RECQL5: variants seen among roughly 807,000 people sequenced by gnomAD.
The protein encoded by RECQL5 is ATP-dependent DNA helicase Q5.
In RECQL5, 88 loss-of-function variants were observed where a neutral mutation model predicts 103.4. The observed-to-expected ratio is 0.85, with a 90% CI of 0.72 to 1.02. The LOEUF (loss-of-function observed/expected upper bound fraction) is 1.02. RECQL5 is among the 50% of genes least tolerant of loss of function. The probability of loss-of-function intolerance (pLI) is 0.00; values close to 1 mark genes in which losing one functional copy is unlikely to be tolerated. For missense variants in RECQL5, 1,232 were observed against 1,284.3 expected (o/e 0.96, Z 0.62); for synonymous variants, 552 against 507.9 (o/e 1.09, Z -1.17).
At chr17:75,660,190 C>A (rs1489887975) in intron 6 of RECQL5, among the ~76,000 whole-genome samples, 1 of 152,142 alleles carries the variant, frequency 6.6e-6, no homozygotes, top group Non-Finnish European at 1.5e-5. Context: ...CCTCAGCCCC[C>A]CAAGTAGCTG....
chr17:75,630,851 G>GTT lies in RECQL5; in HGVS notation c.1586-15_1586-14insAA. On this transcript the variant is annotated splice_polypyrimidine_tract_variant and intron_variant, in intron 11 of 19. Transcript: ENST00000317905. ...GACAGTTCTCATCTGTGGGGGGGGG[G>GTT]GGTGGTCCTTGGTCCTTTCGCTCCA... 2 of 1,448,010 alleles carry GTT rather than the reference G, an allele frequency of 1.4e-6. No homozygotes were observed. Among genetic ancestry groups the GTT allele is most frequent in the Admixed American group, 4.2e-5 (2 of 47,216 alleles). The allele number at this position is 1,448,010 out of a possible 1,614,324, so 89.7% of individuals were successfully genotyped here. A position where few individuals can be genotyped will look rare whatever the true frequency, so the allele number is the denominator to read the frequency against.
chr17:75,656,537 G>A (rs1288122270), intron 7 of RECQL5, among the ~76,000 whole-genome samples: 1 of 147,138 alleles, frequency 6.8e-6, no homozygotes, highest in Non-Finnish European at 1.5e-5. Flanking sequence ...TTTTTTCCTT[G>A]GCTCTCATCT....
intron 5 of RECQL5, among the ~76,000 whole-genome samples, chr17:75,661,396 A>G (rs1335124842): frequency 1.3e-5 from 2 of 152,206 alleles, no homozygotes; most frequent in Admixed American, 6.5e-5. Context: ...GTAGGCATAC[A>G]GTGGGAAGAA....
At chr17:75,647,918 A>G (rs1405613941) in intron 8 of RECQL5, 5 of 220,740 alleles carry the variant, frequency 2.3e-5, no homozygotes, top group Non-Finnish European at 4.8e-5. Context: ...CAATTTCACA[A>G]ATCCTTGACA....
At chr17:75,650,036 A>C in intron 8 of RECQL5, 1 of 985,618 alleles carries the variant, frequency 1.0e-6, no homozygotes, top group Non-Finnish European at 1.2e-6. Context: ...ACAGCCCCAG[A>C]GCTTTTTTCA....
At chr17:75,653,873 G>C (rs1038892394) in intron 7 of RECQL5, among the ~76,000 whole-genome samples, 1 of 151,666 alleles carries the variant, frequency 6.6e-6, no homozygotes, top group African/African-American at 2.4e-5. Flanking sequence ...ACTCCAGCCT[G>C]CACGACAAAG....
In RECQL5 at chr17:75,640,365, G is replaced by A; in HGVS notation, c.1230-8697C>T. The A allele has an allele frequency of 6.6e-7, 1 of 1,510,538 alleles. No individual in the cohort carries two copies. Among genetic ancestry groups the A allele is most frequent in the Non-Finnish European group, 8.9e-7 (1 of 1,123,976 alleles). The allele number at this position is 1,510,538 out of a possible 1,614,324, so 93.6% of individuals were successfully genotyped here. On this transcript the variant is annotated intron_variant, in intron 8 of 19. Transcript: ENST00000317905. The surrounding 1 kb of genome is among the most constrained non-coding windows in gnomAD (Gnocchi z 4.6). ...CACTCAGCACCCCATGGCTCTCCCTGGCATCTGGGAGAGACCACACCATGG... is the reference window on the plus strand; with the variant it reads ...CACTCAGCACCCCATGGCTCTCCCTAGCATCTGGGAGAGACCACACCATGG...
At chr17:75,632,559 G>C (rs76810494) in intron 8 of RECQL5, among the ~76,000 whole-genome samples, 2 of 152,376 alleles carry the variant, frequency 1.3e-5, no homozygotes, top group Non-Finnish European at 2.9e-5. Flanking sequence ...GCCTCGCCTG[G>C]AGTCCTCCTC....
In RECQL5 at chr17:75,630,175, C is replaced by T. The variant is rs1020401310; in HGVS notation, c.1812+9G>A. ...GCAACGACCCTGGGTCCGCCTGCAC[C>T]AGGCCCACCTTCTTCAGCACGCTGG... On this transcript the variant is annotated intron_variant, in intron 14 of 19. Transcript: ENST00000317905. The T allele has an allele frequency of 4.5e-6, 7 of 1,540,424 alleles. No individual in the cohort carries two copies. The highest frequency in any genetic ancestry group is 6.1e-6 in the Non-Finnish European group (7 of 1,141,624).
chr17:75,647,673 G>C, intron 8 of RECQL5: 1 of 1,068,844 alleles, frequency 9.4e-7, no homozygotes, highest in Non-Finnish European at 1.4e-6. Context: ...CCAAGCCCTG[G>C]TGTCTTCCTT....
chr17:75,632,774 C>G (rs905608922), intron 8 of RECQL5, among the ~76,000 whole-genome samples: 1 of 152,246 alleles, frequency 6.6e-6, no homozygotes, highest in Non-Finnish European at 1.5e-5. Context: ...TATAAACAGC[C>G]ATTCCTGCCA....
At chr17:75,664,875 C>T (rs1395075098) in intron 3 of RECQL5, among the ~76,000 whole-genome samples, 176 bp downstream of exon 3, 8 of 145,932 alleles carry the variant, frequency 5.5e-5, no homozygotes, top group African/African-American at 1.0e-4. Flanking sequence ...ATCGCACCAC[C>T]GCACTTCAGC....
At position 75,640,133 on chromosome 17, in the gene RECQL5, T is replaced by G. The variant is rs927326497; in HGVS notation, c.1230-8465A>C. On this transcript the variant is annotated intron_variant, in intron 8 of 19. Coordinates refer to ENST00000317905, the MANE Select transcript of RECQL5 (RefSeq NM_004259.7). This position sits in a 1 kb window ranked among gnomAD's most constrained non-coding sequence, Gnocchi z 4.6. ...GCTGCGACGAGTGTGGGGCCAGCCGTGGAGGCTCCAGGTGTTCTCTCTGCC... is the reference window on the plus strand; with the variant it reads ...GCTGCGACGAGTGTGGGGCCAGCCGGGGAGGCTCCAGGTGTTCTCTCTGCC... 238 of 1,468,594 alleles carry G rather than the reference T, an allele frequency of 1.6e-4. No individual in the cohort carries two copies. The highest frequency in any genetic ancestry group is 2.0e-4 in the Non-Finnish European group (224 of 1,113,212). The allele number at this position is 1,468,594 out of a possible 1,614,324, so 91.0% of individuals were successfully genotyped here.
intron 9 of RECQL5, 94 bp downstream of exon 9, chr17:75,631,356 A>G: frequency 6.6e-7 from 1 of 1,526,668 alleles, no homozygotes; most frequent in Non-Finnish European, 9.1e-7. Flanking sequence ...TCAAGGGGGG[A>G]TTGCGGCATC....
At chr17:75,657,605 T>C (rs1208815669) in intron 7 of RECQL5, among the ~76,000 whole-genome samples, 1 of 151,350 alleles carries the variant, frequency 6.6e-6, no homozygotes, top group Admixed American at 6.6e-5. Flanking sequence ...GAAAAAAAAA[T>C]TAGCTGGGCG....
At position 75,630,992 on chromosome 17, in the gene RECQL5, C is replaced by A; in HGVS notation, c.1567G>T (p.Glu523Ter). The stretch of plus-strand genomic sequence containing the variant: ...TACTGACCTGGGGGTACAAATTCTT[C>A]TATCTTGGGGTCTTTGCCCTGGAGG... The part of the protein sequence containing the change: ...QLRKGKDPKI[E>*]EFVPPDENCP... Residue 523 changes from glutamate to a stop codon, truncating the protein, a stop_gained, in exon 11 of 20, where the codon GAA (glutamate) becomes TAA (stop). Transcript: ENST00000317905. LOFTEE classifies it high-confidence loss of function. 2 of 1,613,922 alleles carry A rather than the reference C, an allele frequency of 1.2e-6. No individual in the cohort carries two copies. The highest frequency in any genetic ancestry group is 1.7e-6 in the Non-Finnish European group (2 of 1,179,950).
At chr17:75,641,018 C>T in intron 8 of RECQL5, 1 of 1,460,024 alleles carries the variant, frequency 6.8e-7, no homozygotes, top group East Asian at 2.5e-5. Context: ...CCAGCTCTGG[C>T]CCAGCCCAGG....
chr17:75,660,308 G>A (rs1263502670), intron 6 of RECQL5, among the ~76,000 whole-genome samples: 2 of 152,220 alleles, frequency 1.3e-5, no homozygotes, highest in Non-Finnish European at 2.9e-5. Context: ...GAACTCAAGC[G>A]ATCCACCTGC....
At position 75,628,765 on chromosome 17, in the gene RECQL5, G is replaced by C. The variant is rs374373710; in HGVS notation, c.2490-3C>G. 3.1e-6 allele frequency: 5 copies of C among 1,599,588 alleles called. No individual in the cohort carries two copies. The African/African-American group carries it at 5.4e-5, about 17-fold the overall frequency. On this transcript the variant is annotated splice_polypyrimidine_tract_variant and splice_region_variant and intron_variant, in intron 16 of 19. Coordinates refer to ENST00000317905, the MANE Select transcript of RECQL5 (RefSeq NM_004259.7). ...CCTGGTCTCTGGGCGGGCAGGTGCT[G>C]GTAGAGGGAAGAGCAGGCATCACAG...
Sources: allele counts gnomAD v4.1 joint callset (sites outside exome capture counted in the v4.1 genomes callset), GRCh38; gene constraint gnomAD v4.1.1; non-coding constraint Gnocchi (gnomAD v3.1); transcripts MANE v1.5; gene names NCBI Gene and HGNC (gene_info 2026-07-23, HGNC 2026-07-21).